SLC7A10: variants seen among roughly 807,000 people sequenced by gnomAD.
SLC7A10 encodes the protein solute carrier family 7 member 10.
In SLC7A10, 30 loss-of-function variants were observed where a neutral mutation model predicts 52.7. That is an observed-to-expected ratio of 0.57 (90% CI 0.43 to 0.77). The LOEUF (loss-of-function observed/expected upper bound fraction) is 0.77, where lower values mean the gene tolerates loss of function less well. Among genes scored for constraint, SLC7A10 ranks in the 30% least tolerant of loss-of-function variants. The pLI, the probability that SLC7A10 is intolerant of heterozygous loss-of-function variation, is 0.00. For missense variants in SLC7A10, 581 were observed against 698.5 expected, an observed-to-expected ratio of 0.83 and a Z score of 1.90; for synonymous variants, 318 against 314.9, an observed-to-expected ratio of 1.01 and a Z score of -0.10.
At chr19:33,209,126 T>C in intron 10 of SLC7A10, 105 bp from the exon 11 acceptor site, 2 of 1,571,430 alleles carry the variant, frequency 1.3e-6, no homozygotes, top group South Asian at 2.3e-5. Flanking sequence ...AGTTGCTCCG[T>C]CGGTACCCGT....
intron 2 of SLC7A10, among the ~76,000 whole-genome samples, chr19:33,215,050 G>A (rs1261971877): frequency 6.6e-6 from 1 of 152,106 alleles, no homozygotes; most frequent in East Asian, 1.9e-4. Context: ...TGGATCACCT[G>A]AGGTCAGGAG....
In SLC7A10 at chr19:33,210,446, C is replaced by T; in HGVS notation, c.1263+21G>A. On this transcript the variant is annotated intron_variant, in intron 9 of 10. Transcript: ENST00000253188. This position sits in a 1 kb window ranked among gnomAD's most constrained non-coding sequence, Gnocchi z 5.6. ...GGCTCTGGCAGCACCCGGCACAGGG[C>T]CAGCTGTCCCAGGGCCTCACCTTGA... 6.4e-7 allele frequency: 1 copy of T among 1,566,850 alleles called. No individual in the cohort carries two copies. Among genetic ancestry groups the T allele is most frequent in the Non-Finnish European group, 8.6e-7 (1 of 1,163,332 alleles).
chr19:33,208,962 CG>C lies in SLC7A10; in HGVS notation c.1500del (p.Glu501LysfsTer72), dbSNP rs1568386334. ...GGGCAGGGGCCATTCTCCTCCTCTT[CG>C]GGGGCGTCCTGGGGGTAGACCACGA... The part of the protein sequence containing the change: ...LCFVVYPQDA[P>X]EEEENGPCPP... On this transcript the variant is annotated frameshift_variant, in exon 11 of 11. Coordinates refer to ENST00000253188, the MANE Select transcript of SLC7A10 (RefSeq NM_019849.3). LOFTEE classifies it high-confidence loss of function. This position sits in a 1 kb window ranked among gnomAD's most constrained non-coding sequence, Gnocchi z 4.7. The C allele has an allele frequency of 6.2e-7, 1 of 1,613,788 alleles. No individual in the cohort carries two copies. Among genetic ancestry groups the C allele is most frequent in the Non-Finnish European group, 8.5e-7 (1 of 1,180,000 alleles).
Position 33,215,882 on chromosome 19 carries a change from C to G in SLC7A10, c.243G>C (p.Leu81=). ...SVGLALFVWV[L]GGGVTALGSL... ...AGCCCAGAGCCGTCACGCCCCCACC[C>G]AGGACCCAGACGAACAGGGCCAGAC... Residue 81 remains leucine (L), a synonymous_variant, in exon 2 of 11, where the codon CTG becomes CTC. Transcript: ENST00000253188. 1.2e-6 allele frequency: 2 copies of G among 1,610,390 alleles called. No homozygotes were observed. Among genetic ancestry groups the G allele is most frequent in the Non-Finnish European group, 1.7e-6 (2 of 1,178,632 alleles).
At chr19:33,216,573 G>T (rs1232968163) in intron 1 of SLC7A10, among the ~76,000 whole-genome samples, 1 of 152,112 alleles carries the variant, frequency 6.6e-6, no homozygotes, top group Non-Finnish European at 1.5e-5. Context: ...TCAGGTTTGG[G>T]CTTCTCTTCC....
intron 7 of SLC7A10, 149 bp downstream of exon 7, chr19:33,211,076 A>T: frequency 1.0e-6 from 1 of 970,066 alleles, no homozygotes; most frequent in Non-Finnish European, 1.6e-6. Flanking sequence ...AGTTGTGATC[A>T]GACACTTGTT....
At chr19:33,223,943 TCACCACCACCACCAC>T (rs80120440) in intron 1 of SLC7A10, among the ~76,000 whole-genome samples, 72 of 147,224 alleles carry the variant, frequency 4.9e-4, no homozygotes, top group Admixed American at 1.4e-3. Flanking sequence ...ACCTCTACCA[TCACCACCACCACCAC>T]CACCACCACC....
At chr19:33,215,742 C>T in intron 2 of SLC7A10, 27 bp downstream of exon 2, 1 of 1,547,052 alleles carries the variant, frequency 6.5e-7, no homozygotes. Flanking sequence ...GAGGGTGTCC[C>T]CCTGCCCGCT....
intron 1 of SLC7A10, among the ~76,000 whole-genome samples, chr19:33,218,319 A>G (rs533202313): frequency 9.9e-4 from 150 of 152,198 alleles, no homozygotes; most frequent in African/African-American, 3.3e-3. Flanking sequence ...AGAGGCCACT[A>G]TTGTTTGGAA....
At chr19:33,221,774 C>T (rs1281388713) in intron 1 of SLC7A10, among the ~76,000 whole-genome samples, 1 of 152,150 alleles carries the variant, frequency 6.6e-6, no homozygotes, top group Non-Finnish European at 1.5e-5. Flanking sequence ...CAAACCCCTG[C>T]AGGAGCCGGA....
chr19:33,221,194 A>T (rs375552668), intron 1 of SLC7A10: 1 of 152,224 alleles, frequency 6.6e-6, no homozygotes, highest in East Asian at 1.9e-4. Flanking sequence ...ATCTCAGCTC[A>T]TTTCCAAGCT....
At chr19:33,217,171 C>T (rs1974705050) in intron 1 of SLC7A10, among the ~76,000 whole-genome samples, 1 of 152,022 alleles carries the variant, frequency 6.6e-6, no homozygotes, top group East Asian at 1.9e-4. Flanking sequence ...GCCACCACAC[C>T]CGGCTAATCA....
chr19:33,211,921 G>T, intron 5 of SLC7A10: 1 of 476,412 alleles, frequency 2.1e-6, no homozygotes, highest in Non-Finnish European at 3.8e-6. Flanking sequence ...CAGCTGCAAA[G>T]GTTTACTGTC....
chr19:33,211,083 T>C (rs1476350084), intron 7 of SLC7A10, 142 bp downstream of exon 7: 1 of 978,238 alleles, frequency 1.0e-6, no homozygotes, highest in Admixed American at 1.9e-5. Flanking sequence ...ATCAGACACT[T>C]GTTACCGTGT....
At chr19:33,218,958 T>C (rs1974756424) in intron 1 of SLC7A10, among the ~76,000 whole-genome samples, 1 of 151,720 alleles carries the variant, frequency 6.6e-6, no homozygotes, top group Non-Finnish European at 1.5e-5. Flanking sequence ...AGCCCAGCCG[T>C]TGGGGGAACC....
At position 33,212,983 on chromosome 19, in the gene SLC7A10, C is replaced by T. The variant is rs373442633; in HGVS notation, c.376G>A (p.Ala126Thr). The T allele has an allele frequency of 2.4e-5, 39 of 1,610,910 alleles. 1 individual carries two copies. The highest frequency in any genetic ancestry group is 4.5e-5 in the East Asian group (2 of 44,800). The change falls in exon 3 of 11, where the codon GCC becomes ACC. Residue 126 changes from alanine to threonine, a missense_variant. Transcript: ENST00000253188. ...GLAGFLLLWSAVLIMYPTSLA... is the reference protein window; with the variant it reads ...GLAGFLLLWSTVLIMYPTSLA... ...CTGGTGGGGTACATGATGAGGACGG[C>T]GCTCCAGAGCAGCAGAAAGCTGGAA... is the stretch of plus-strand genomic sequence containing the variant.
rs1036217666 is a variant in SLC7A10, at chr19:33,209,032, A to G, written c.1442-11T>C. The G allele has an allele frequency of 2.5e-6, 4 of 1,613,348 alleles. No homozygotes were observed. The highest frequency in any genetic ancestry group is 3.4e-6 in the Non-Finnish European group (4 of 1,179,996). On this transcript the variant is annotated splice_polypyrimidine_tract_variant and intron_variant, in intron 10 of 10. Transcript: ENST00000253188. ...AGTGTGTCATGGACTCTGAGGACAG[A>G]CAGATGGACCTTGGGGCCTGACCTC...
chr19:33,221,884 C>T (rs188036146), intron 1 of SLC7A10, among the ~76,000 whole-genome samples: 13 of 152,272 alleles, frequency 8.5e-5, no homozygotes, highest in East Asian at 7.7e-4. Context: ...GTTGTGGATC[C>T]GGCAAGGGAG....
At chr19:33,215,632 C>G (rs1012495993) in intron 2 of SLC7A10, 137 bp downstream of exon 2, 30 of 789,480 alleles carry the variant, frequency 3.8e-5, no homozygotes, top group Non-Finnish European at 5.4e-5. Context: ...CTCCATCCAC[C>G]CCCCACACCT....
Sources: gnomAD v4.1 joint callset for allele counts (sites outside exome capture counted in the v4.1 genomes callset) on GRCh38, gnomAD v4.1.1 for gene constraint, Gnocchi (gnomAD v3.1) non-coding constraint, MANE v1.5 for transcripts, NCBI Gene and HGNC (gene_info 2026-07-23, HGNC 2026-07-21) for gene names.